The following GLRA1 variants were observed in gnomAD, a reference collection of about 807,000 sequenced individuals.
GLRA1 encodes glycine receptor subunit alpha-1.
In GLRA1, 37 loss-of-function variants were observed where a neutral mutation model predicts 48.3. That is an observed-to-expected ratio of 0.77 (90% CI 0.59 to 1.01). GLRA1 has a LOEUF of 1.01. Ranked by LOEUF, GLRA1 falls within the 50% of genes least tolerant of loss-of-function variation. The probability of loss-of-function intolerance (pLI) is 0.00; values close to 1 mark genes in which losing one functional copy is unlikely to be tolerated. For synonymous variants in GLRA1, 196 were observed against 210.7 expected (o/e 0.93, Z 0.60); for missense variants, 427 against 571.0 (o/e 0.75, Z 2.57).
chr5:151,859,775 C>T lies in GLRA1; in HGVS notation c.476+10G>A. On this transcript the variant is annotated intron_variant, in intron 4 of 8. Coordinates refer to ENST00000274576, the MANE Select transcript of GLRA1 (RefSeq NM_000171.4). ...TGAGCAGGGAGTGGGTGAACCTGGT[C>T]AGAACTCACCTGATGCTGTAGAGGA... 3 of 1,588,756 alleles carry T rather than the reference C, an allele frequency of 1.9e-6. No individual in the cohort carries two copies. The highest frequency in any genetic ancestry group is 1.7e-6 in the Non-Finnish European group (2 of 1,156,936).
At chr5:151,895,587 A>G (rs1487330756) in intron 1 of GLRA1, among the ~76,000 whole-genome samples, 3 of 151,746 alleles carry the variant, frequency 2.0e-5, no homozygotes, top group African/African-American at 7.3e-5. Context: ...CAAGCACTCA[A>G]TACATTGTTT....
intron 3 of GLRA1, among the ~76,000 whole-genome samples, chr5:151,866,640 G>A (rs1038273237): frequency 5.3e-5 from 8 of 152,016 alleles, no homozygotes; most frequent in Non-Finnish European, 7.4e-5. Flanking sequence ...ATCTCATCTC[G>A]AAACTCAATC....
intron 1 of GLRA1, among the ~76,000 whole-genome samples, chr5:151,919,830 A>G (rs952140131): frequency 2.0e-5 from 3 of 152,376 alleles, no homozygotes; most frequent in Middle Eastern, 3.4e-3. Context: ...GAACCTGCAG[A>G]ATAGTTTCAA....
intron 1 of GLRA1, among the ~76,000 whole-genome samples, chr5:151,917,099 T>G (rs956126075): frequency 6.6e-6 from 1 of 152,216 alleles, no homozygotes; most frequent in Non-Finnish European, 1.5e-5. Context: ...AGGTAGTTAT[T>G]TATCCCCTCT....
intron 1 of GLRA1, among the ~76,000 whole-genome samples, chr5:151,920,501 G>A (rs1178835658): frequency 6.6e-6 from 1 of 152,098 alleles, no homozygotes; most frequent in Non-Finnish European, 1.5e-5. Flanking sequence ...GAAGTCATGT[G>A]CTGATTCATA....
intron 3 of GLRA1, among the ~76,000 whole-genome samples, chr5:151,880,381 T>C (rs1001510250): frequency 5.3e-5 from 8 of 152,226 alleles, no homozygotes; most frequent in Non-Finnish European, 1.0e-4. Context: ...GTCTCCTGAC[T>C]CCTGGTTCAG....
intron 4 of GLRA1, 65 bp from the exon 5 acceptor site, chr5:151,856,448 T>C (rs1179973329): frequency 2.0e-6 from 2 of 1,020,240 alleles, no homozygotes; most frequent in African/African-American, 1.6e-5. Flanking sequence ...GCCTCTATTC[T>C]AGTTATTGTT....
intron 7 of GLRA1, among the ~76,000 whole-genome samples, chr5:151,849,376 GTTTCC>G (rs757139471): frequency 3.0e-4 from 4 of 13,186 alleles, no homozygotes; most frequent in South Asian, 3.9e-3. Context: ...TCTTCCTTTC[GTTTCC>G]TTTCCTTTCC....
At chr5:151,895,625 C>G (rs948298455) in intron 1 of GLRA1, among the ~76,000 whole-genome samples, 48 of 146,694 alleles carry the variant, frequency 3.3e-4, no homozygotes, top group African/African-American at 4.3e-4. Context: ...GTGTGTGTGT[C>G]TGTGTGTGTG....
rs552839904 is a variant in GLRA1, at chr5:151,880,425, G to C, written c.252+6296C>G. Among the ~76,000 whole-genome samples, 5 of 152,298 alleles carry C rather than the reference G, an allele frequency of 3.3e-5. No individual in the cohort carries two copies. In the South Asian group the frequency reaches 1.0e-3, roughly 32 times the overall value. On this transcript the variant is annotated intron_variant, in intron 3 of 8. Coordinates refer to ENST00000274576, the MANE Select transcript of GLRA1 (RefSeq NM_000171.4). The stretch of plus-strand genomic sequence containing the variant: ...CCATTGCCCCTTAAAGTCAAATAAG[G>C]CCAAACTTGTGGACTGTAGTTGCAT...
In GLRA1 at chr5:151,924,584, ATGGG is replaced by A; in HGVS notation, c.-39_-36del. ...CCTTGTGCTTTGTAGTCCACGAGTTATGGGGGCAAAAATGTTTCAAATTGGCACT... is the reference window on the plus strand; with the variant it reads ...CCTTGTGCTTTGTAGTCCACGAGTTAGGCAAAAATGTTTCAAATTGGCACT... On this transcript the variant is annotated 5_prime_UTR_variant, in exon 1 of 9. Transcript: ENST00000274576. The A allele has an allele frequency of 7.5e-7, 1 of 1,336,812 alleles. No individual in the cohort carries two copies. Among genetic ancestry groups the A allele is most frequent in the Non-Finnish European group, 1.1e-6 (1 of 926,528 alleles). The allele number at this position is 1,336,812 out of a possible 1,614,324, so 82.8% of individuals were successfully genotyped here. A position where few individuals can be genotyped will look rare whatever the true frequency, so the allele number is the denominator to read the frequency against.
rs1322150100 is a variant in GLRA1 at position 151,922,327 on chromosome 5, G to A, written c.56+2167C>T. Among the ~76,000 whole-genome samples the A allele has an allele frequency of 5.3e-5, 8 of 152,210 alleles. 1 individual carries two copies. On this transcript the variant is annotated intron_variant, in intron 1 of 8. Coordinates refer to ENST00000274576, the MANE Select transcript of GLRA1 (RefSeq NM_000171.4). The stretch of plus-strand genomic sequence containing the variant: ...TTTTCACCTGGAATTTTAAAAGTGA[G>A]TGACTTAGAAATGAAAATACCAATT...
chr5:151,920,179 G>A (rs1754839852), intron 1 of GLRA1, among the ~76,000 whole-genome samples: 2 of 152,240 alleles, frequency 1.3e-5, no homozygotes, highest in Non-Finnish European at 2.9e-5. Flanking sequence ...AATTCATCCT[G>A]AACCTTTGTG....
intron 3 of GLRA1, among the ~76,000 whole-genome samples, chr5:151,862,230 A>G (rs968137974): frequency 3.9e-5 from 6 of 152,124 alleles, no homozygotes; most frequent in Non-Finnish European, 5.9e-5. Flanking sequence ...CTAGCCATAT[A>G]TAGAAAGCCG....
intron 3 of GLRA1, among the ~76,000 whole-genome samples, chr5:151,879,693 A>G (rs1325106133): frequency 6.6e-6 from 1 of 152,134 alleles, no homozygotes; most frequent in Non-Finnish European, 1.5e-5. Flanking sequence ...GATGGAAGGG[A>G]CTTGCCTTGT....
chr5:151,850,092 A>T, intron 7 of GLRA1: 1 of 1,603,366 alleles, frequency 6.2e-7, no homozygotes, highest in African/African-American at 1.3e-5. Flanking sequence ...ATATACCCTC[A>T]TGGGGACAGA....
At chr5:151,917,998 G>C (rs925996202) in intron 1 of GLRA1, among the ~76,000 whole-genome samples, 1 of 152,120 alleles carries the variant, frequency 6.6e-6, no homozygotes, top group East Asian at 1.9e-4. Context: ...TTAGAGCAAC[G>C]GACACTGAAA....
chr5:151,831,792 G>A (rs929845144), intron 7 of GLRA1, among the ~76,000 whole-genome samples: 1 of 152,216 alleles, frequency 6.6e-6, no homozygotes, highest in African/African-American at 2.4e-5. Flanking sequence ...CACAGCACTC[G>A]AGCTCTGCTA....
intron 8 of GLRA1, among the ~76,000 whole-genome samples, chr5:151,828,322 A>G (rs899003443): frequency 6.6e-6 from 1 of 152,220 alleles, no homozygotes; most frequent in African/African-American, 2.4e-5. Flanking sequence ...AGCAGGCTGC[A>G]TGCTCCCCAT....
Sources: gnomAD v4.1 joint callset for allele counts (sites outside exome capture counted in the v4.1 genomes callset) on GRCh38, gnomAD v4.1.1 for gene constraint, MANE v1.5 for transcripts, NCBI Gene and HGNC (gene_info 2026-07-23, HGNC 2026-07-21) for gene names.